The following NBEA variants were observed in gnomAD, a reference collection of about 807,000 sequenced individuals.
NBEA encodes the protein lysosomal-trafficking regulator 2.
A neutral mutation model predicts 343.4 loss-of-function variants in NBEA; 44 were observed. The observed-to-expected ratio is 0.13, with a 90% CI of 0.10 to 0.16. The LOEUF is 0.16. Ranked by LOEUF, NBEA falls within the 10% of genes least tolerant of loss-of-function variation. The probability of loss-of-function intolerance (pLI) is 1.00; values close to 1 mark genes in which losing one functional copy is unlikely to be tolerated. For missense variants in NBEA, 2,555 were observed against 3,631.3 expected (o/e 0.70, Z 7.62); for synonymous variants, 1,175 against 1,238.7 (o/e 0.95, Z 1.08).
intron 38 of NBEA, among the ~76,000 whole-genome samples, chr13:35,420,370 C>G (rs977647792): frequency 6.6e-6 from 1 of 151,930 alleles, no homozygotes; most frequent in Admixed American, 6.6e-5. Context: ...TTTATAATGA[C>G]TAATATGATC....
chr13:35,098,079 T>A (rs2065431178), intron 10 of NBEA, among the ~76,000 whole-genome samples: 1 of 152,202 alleles, frequency 6.6e-6, no homozygotes, highest in African/African-American at 2.4e-5. Flanking sequence ...CAGTTATGAT[T>A]CAGTTTATTA....
intron 32 of NBEA, among the ~76,000 whole-genome samples, chr13:35,210,629 G>C (rs2073708442): frequency 6.6e-6 from 1 of 152,134 alleles, no homozygotes; most frequent in South Asian, 2.1e-4. Flanking sequence ...AGGAGCATTA[G>C]ATGCTTCAGT....
At chr13:35,431,079 G>A (rs1200438992) in intron 38 of NBEA, among the ~76,000 whole-genome samples, 1 of 151,544 alleles carries the variant, frequency 6.6e-6, no homozygotes, top group Non-Finnish European at 1.5e-5. Flanking sequence ...TTTTCTCAAT[G>A]GCCATACATT....
At chr13:35,355,699 T>G (rs2152868871) in intron 38 of NBEA, among the ~76,000 whole-genome samples, 1 of 152,250 alleles carries the variant, frequency 6.6e-6, no homozygotes, top group Admixed American at 6.5e-5. Flanking sequence ...TGGTTCTTTT[T>G]GTTCTAGTCA....
At chr13:35,616,893 G>A (rs1215557209) in intron 48 of NBEA, among the ~76,000 whole-genome samples, 1 of 152,144 alleles carries the variant, frequency 6.6e-6, no homozygotes, top group Non-Finnish European at 1.5e-5. Context: ...TTTATTCAAA[G>A]TGTGCTTCTT....
intron 38 of NBEA, among the ~76,000 whole-genome samples, chr13:35,417,950 A>G (rs1302476346): frequency 6.6e-6 from 1 of 152,150 alleles, no homozygotes; most frequent in Non-Finnish European, 1.5e-5. Context: ...TATATTTAGG[A>G]TAGTTAGCTC....
chr13:35,587,723 C>T (rs1467491475), intron 46 of NBEA, among the ~76,000 whole-genome samples: 2 of 152,086 alleles, frequency 1.3e-5, no homozygotes, highest in Non-Finnish European at 2.9e-5. Context: ...CTAAGTTAAC[C>T]TCATCTATCC....
intron 10 of NBEA, among the ~76,000 whole-genome samples, chr13:35,074,457 A>G (rs190005450): frequency 4.8e-4 from 73 of 152,312 alleles, no homozygotes; most frequent in African/African-American, 1.7e-3. Context: ...AACAAGGTAT[A>G]AATTGAGTTT....
chr13:35,106,108 C>G (rs982805065), intron 11 of NBEA, among the ~76,000 whole-genome samples: 1 of 151,808 alleles, frequency 6.6e-6, no homozygotes, highest in African/African-American at 2.4e-5. Flanking sequence ...ACATATAGTA[C>G]TTCTTAAAAA....
chr13:35,035,915 G>C (rs1169422000), intron 1 of NBEA, among the ~76,000 whole-genome samples: 1 of 151,896 alleles, frequency 6.6e-6, no homozygotes. Flanking sequence ...TATAGGTGAA[G>C]TGTGTTTCTT....
At chr13:34,992,821 C>G (rs1384158380) in intron 1 of NBEA, among the ~76,000 whole-genome samples, 2 of 149,400 alleles carry the variant, frequency 1.3e-5, no homozygotes, top group African/African-American at 4.9e-5. Context: ...TACAGGCCCC[C>G]GCCACCACAC....
chr13:35,441,786 A>G (rs1031046877), intron 39 of NBEA, among the ~76,000 whole-genome samples: 1 of 151,772 alleles, frequency 6.6e-6, no homozygotes, highest in Non-Finnish European at 1.5e-5. Context: ...AAATACATGG[A>G]ATGGAAAAAG....
At chr13:35,171,047 T>C (rs973966070) in intron 25 of NBEA, 1 of 650,888 alleles carries the variant, frequency 1.5e-6, no homozygotes, top group African/African-American at 1.8e-5. Context: ...AAACTAATGT[T>C]GATTTTAAAA....
intron 1 of NBEA, among the ~76,000 whole-genome samples, chr13:34,978,545 G>A (rs188936632): frequency 4.1e-4 from 63 of 152,212 alleles, no homozygotes; most frequent in East Asian, 1.9e-3. Context: ...ACAAATGCAT[G>A]TACCTGAGTA....
Position 35,504,353 on chromosome 13 carries a change from C to T in NBEA, c.6585+31817C>T, listed in dbSNP as rs367660813. 9.2e-5 allele frequency among the ~76,000 whole-genome samples: 14 copies of T among 152,236 alleles called. No individual in the cohort carries two copies. In the East Asian group the frequency reaches 2.5e-3, roughly 27 times the overall value. ...CCTATGTAATATAATACACATCTAA[C>T]CAGTTCTTAACTAAAACTGTTTCTC... is the stretch of plus-strand genomic sequence containing the variant. On this transcript the variant is annotated intron_variant, in intron 41 of 58. Coordinates refer to ENST00000379939, the MANE Select transcript of NBEA (RefSeq NM_001385012.1).
chr13:35,616,767 AC>A (rs1293155065), intron 48 of NBEA, among the ~76,000 whole-genome samples: 3 of 152,230 alleles, frequency 2.0e-5, no homozygotes, highest in Non-Finnish European at 4.4e-5. Context: ...ATTAAATATA[AC>A]AAATAATTTA....
intron 1 of NBEA, among the ~76,000 whole-genome samples, chr13:35,004,830 C>T (rs981505774): frequency 2.0e-5 from 3 of 151,882 alleles, no homozygotes; most frequent in South Asian, 4.2e-4. Flanking sequence ...ATTTAAGCAT[C>T]GAAAAGGATA....
intron 10 of NBEA, among the ~76,000 whole-genome samples, chr13:35,073,798 C>T (rs1325823973): frequency 4.0e-5 from 6 of 151,888 alleles, no homozygotes; most frequent in African/African-American, 1.2e-4. Flanking sequence ...AGAAGTTAGA[C>T]GGGCATGGTG....
intron 41 of NBEA, among the ~76,000 whole-genome samples, chr13:35,539,110 C>T (rs2078689182): frequency 6.6e-6 from 1 of 152,090 alleles, no homozygotes; most frequent in Non-Finnish European, 1.5e-5. Flanking sequence ...CTGCCATGTG[C>T]TAGGCTCTGT....
Sources: gnomAD v4.1 joint callset for allele counts (sites outside exome capture counted in the v4.1 genomes callset) on GRCh38, gnomAD v4.1.1 for gene constraint, MANE v1.5 for transcripts, NCBI Gene and HGNC (gene_info 2026-07-23, HGNC 2026-07-21) for gene names.